ARSB: variants seen among roughly 807,000 people sequenced by gnomAD.
ARSB encodes the protein N-acetylgalactosamine-4-sulfatase.
In ARSB, 41 loss-of-function variants were observed where a neutral mutation model predicts 50.9. The ratio of observed to expected loss-of-function variants is 0.81; its 90% CI spans 0.63 to 1.04. ARSB has a LOEUF of 1.04. Among genes scored for constraint, ARSB ranks in the 50% least tolerant of loss-of-function variants. The pLI is 0.00. For synonymous variants in ARSB, 269 were observed against 284.8 expected, an observed-to-expected ratio of 0.94 and a Z score of 0.56; for missense variants, 672 against 693.3, an observed-to-expected ratio of 0.97 and a Z score of 0.35.
intron 2 of ARSB, among the ~76,000 whole-genome samples, chr5:78,966,958 A>G (rs1169977375): frequency 6.7e-6 from 1 of 149,688 alleles, no homozygotes; most frequent in East Asian, 2.0e-4. Flanking sequence ...AAGATTGAGT[A>G]GTGAGGTCTG....
At chr5:78,935,913 TCTCTC>T (rs1182313524) in intron 4 of ARSB, among the ~76,000 whole-genome samples, 8 of 147,614 alleles carry the variant, frequency 5.4e-5, no homozygotes, top group Non-Finnish European at 9.0e-5. Context: ...TTTTTCGTTC[TCTCTC>T]CTCCCCTCTC....
chr5:78,939,589 G>A (rs1430461363), intron 4 of ARSB, among the ~76,000 whole-genome samples: 5 of 151,956 alleles, frequency 3.3e-5, no homozygotes, highest in East Asian at 1.9e-4. Flanking sequence ...AGCTTCATCC[G>A]TGTCCCTATA....
intron 1 of ARSB, among the ~76,000 whole-genome samples, chr5:78,974,906 T>G (rs916794373): frequency 6.6e-5 from 10 of 152,198 alleles, no homozygotes; most frequent in African/African-American, 2.4e-4. Flanking sequence ...CTTGTCCCTA[T>G]GGAGCTAATG....
chr5:78,832,948 T>C (rs896037646), intron 6 of ARSB, among the ~76,000 whole-genome samples: 12 of 152,224 alleles, frequency 7.9e-5, no homozygotes, highest in African/African-American at 1.7e-4. Flanking sequence ...CCAGCCATCA[T>C]AGAATGCCAC....
At position 78,817,381 on chromosome 5, in the gene ARSB, A is replaced by T. The variant is rs180983049; in HGVS notation, c.1213+21975T>A. On this transcript the variant is annotated intron_variant, in intron 6 of 7. Transcript: ENST00000264914. ...ATGTTCCCAGGACCCACTCGGCTTC[A>T]ACATAAGCAAATAGAAATATAAATA... is the stretch of plus-strand genomic sequence containing the variant. Among the ~76,000 whole-genome samples the T allele has an allele frequency of 2.6e-3, 403 of 152,334 alleles. 3 individuals are homozygous for T. Among genetic ancestry groups the T allele is most frequent in the African/African-American group, 9.2e-3 (381 of 41,584 alleles).
intron 1 of ARSB, among the ~76,000 whole-genome samples, chr5:78,974,094 GT>G (rs1752568613): frequency 6.6e-6 from 1 of 152,226 alleles, no homozygotes. Context: ...AGTAACACTT[GT>G]GCCACCTTAG....
chr5:78,853,469 G>A (rs529458762), intron 5 of ARSB, among the ~76,000 whole-genome samples: 5 of 152,296 alleles, frequency 3.3e-5, no homozygotes, highest in South Asian at 4.2e-4. Flanking sequence ...TGCCCCTACT[G>A]GGGGGTGCCT....
rs905342021 is a variant in ARSB at position 78,960,380 on chromosome 5, G to A, written c.690+4036C>T. ...ATTTAAAGTATAAATGAAAAAAAAAGCATATGATAGGTTTTGAAATTGTTT... is the reference window on the plus strand; with the variant it reads ...ATTTAAAGTATAAATGAAAAAAAAAACATATGATAGGTTTTGAAATTGTTT... On this transcript the variant is annotated intron_variant, in intron 3 of 7. Transcript: ENST00000264914. Among the ~76,000 whole-genome samples the A allele has an allele frequency of 2.6e-5, 4 of 151,410 alleles. No individual in the cohort carries two copies. In the South Asian group the frequency reaches 8.4e-4, roughly 32 times the overall value.
intron 6 of ARSB, among the ~76,000 whole-genome samples, chr5:78,827,329 C>T (rs995194205): frequency 3.9e-5 from 6 of 152,194 alleles, no homozygotes; most frequent in Admixed American, 3.3e-4. Context: ...CCACCTTAGC[C>T]TCCCTAGTAA....
At chr5:78,947,229 C>A (rs1336345736) in intron 4 of ARSB, among the ~76,000 whole-genome samples, 1 of 152,146 alleles carries the variant, frequency 6.6e-6, no homozygotes, top group African/African-American at 2.4e-5. Flanking sequence ...GCAAAGACTT[C>A]TTGTGTAATA....
At chr5:78,956,584 A>C (rs1462360767) in intron 3 of ARSB, among the ~76,000 whole-genome samples, 1 of 152,256 alleles carries the variant, frequency 6.6e-6, no homozygotes, top group African/African-American at 2.4e-5. Flanking sequence ...TGAAAATAAA[A>C]GCCAGAGTCC....
At chr5:78,866,259 C>T (rs1208713936) in intron 5 of ARSB, among the ~76,000 whole-genome samples, 3 of 152,316 alleles carry the variant, frequency 2.0e-5, no homozygotes, top group South Asian at 2.1e-4. Context: ...GAGCCAGTCA[C>T]GTTTTACATG....
At chr5:78,893,824 A>G (rs1389128345) in intron 4 of ARSB, among the ~76,000 whole-genome samples, 1 of 152,234 alleles carries the variant, frequency 6.6e-6, no homozygotes, top group Non-Finnish European at 1.5e-5. Flanking sequence ...CCCATGTTTG[A>G]TGTATTAAGC....
intron 1 of ARSB, among the ~76,000 whole-genome samples, chr5:78,976,883 C>T (rs765303784): frequency 5.3e-5 from 8 of 152,180 alleles, no homozygotes; most frequent in Non-Finnish European, 1.2e-4. Flanking sequence ...TAGCTCTTGG[C>T]CTGCCTCTGG....
In ARSB at chr5:78,787,136, A is replaced by ATT. The variant is rs756101821; in HGVS notation, c.1214-5163_1214-5162insAA. On this transcript the variant is annotated intron_variant, in intron 6 of 7. Transcript: ENST00000264914. ...TATCTATCTATCTATCTATCTATCT[A>ATT]TATAGATACAGGTTTCACTATGTTG... Among the ~76,000 whole-genome samples, 228 of 148,252 alleles carry ATT rather than the reference A, an allele frequency of 1.5e-3. 3 individuals carry two copies. Among genetic ancestry groups the ATT allele is most frequent in the African/African-American group, 5.4e-3 (219 of 40,526 alleles).
At chr5:78,899,675 T>A (rs1351623596) in intron 4 of ARSB, among the ~76,000 whole-genome samples, 3 of 152,248 alleles carry the variant, frequency 2.0e-5, no homozygotes, top group South Asian at 2.1e-4. Context: ...TTTGATTTTT[T>A]AAAATTATTT....
chr5:78,819,800 G>GAGGCCAAGTGCTTT (rs1430470101), intron 6 of ARSB, among the ~76,000 whole-genome samples: 1 of 152,260 alleles, frequency 6.6e-6, no homozygotes, highest in Non-Finnish European at 1.5e-5. Flanking sequence ...AGGGGCCTGG[G>GAGGCCAAGTGCTTT]AGGCCAAGTG....
chr5:78,791,058 C>G (rs1749221057), intron 6 of ARSB, among the ~76,000 whole-genome samples: 1 of 152,174 alleles, frequency 6.6e-6, no homozygotes, highest in South Asian at 2.1e-4. Flanking sequence ...TTATGAAGAT[C>G]AGCAAAATTT....
chr5:78,818,109 C>T (rs922527093), intron 6 of ARSB, among the ~76,000 whole-genome samples: 2 of 152,202 alleles, frequency 1.3e-5, no homozygotes, highest in Non-Finnish European at 2.9e-5. Flanking sequence ...GATCACACCA[C>T]TGCACTCCAG....
Sources: gnomAD v4.1 joint callset for allele counts (sites outside exome capture counted in the v4.1 genomes callset) on GRCh38, gnomAD v4.1.1 for gene constraint, MANE v1.5 for transcripts, NCBI Gene and HGNC (gene_info 2026-07-23, HGNC 2026-07-21) for gene names.